USP34: variants seen among roughly 807,000 people sequenced by gnomAD.
USP34 encodes ubiquitin specific peptidase 34.
In USP34, 70 loss-of-function variants were observed where a neutral mutation model predicts 460.3. The observed-to-expected ratio is 0.15, with a 90% CI of 0.13 to 0.19. USP34 has a LOEUF of 0.19. USP34 is among the 10% of genes least tolerant of loss of function. The pLI, the probability that USP34 is intolerant of heterozygous loss-of-function variation, is 1.00. For synonymous variants in USP34, 1,647 were observed against 1,405.3 expected (o/e 1.17, Z -3.85); for missense variants, 3,985 against 4,236.2 (o/e 0.94, Z 1.65).
intron 66 of USP34, 92 bp downstream of exon 66, chr2:61,221,410 T>G: frequency 8.5e-7 from 1 of 1,176,654 alleles, no homozygotes; most frequent in East Asian, 2.6e-5. Flanking sequence ...CTTGGGGTAA[T>G]AAGAAACTGG....
chr2:61,372,008 C>G (rs1199808278), intron 8 of USP34, among the ~76,000 whole-genome samples: 1 of 152,068 alleles, frequency 6.6e-6, no homozygotes, highest in African/African-American at 2.4e-5. Context: ...TGATGCATTT[C>G]TCAGAATGTA....
At position 61,187,974 on chromosome 2, in the gene USP34, A is replaced by AATCT; in HGVS notation, c.*124_*127dup. On this transcript the variant is annotated 3_prime_UTR_variant, in exon 80 of 80. Transcript: ENST00000398571. The stretch of plus-strand genomic sequence containing the variant: ...TGCCTGACCAAGAATTAAGCCTATA[A>AATCT]ATCTATCTTGCCATTCAAGCAGAGA... 1.4e-6 allele frequency: 2 copies of AATCT among 1,461,084 alleles called. No homozygotes were observed. The highest frequency in any genetic ancestry group is 1.5e-5 in the South Asian group (1 of 65,526). The allele number at this position is 1,461,084 out of a possible 1,614,324, so 90.5% of individuals were successfully genotyped here. A position where few individuals can be genotyped will look rare whatever the true frequency, so the allele number is the denominator to read the frequency against.
At chr2:61,453,491 C>T (rs1392861180) in intron 1 of USP34, among the ~76,000 whole-genome samples, 1 of 151,890 alleles carries the variant, frequency 6.6e-6, no homozygotes, top group Non-Finnish European at 1.5e-5. Context: ...GGGTGAATCA[C>T]TTGAGGTCAG....
chr2:61,425,438 C>T (rs894433340), intron 1 of USP34, among the ~76,000 whole-genome samples: 4 of 152,084 alleles, frequency 2.6e-5, no homozygotes, highest in Admixed American at 2.0e-4. Context: ...TAGAGCCTCT[C>T]GGTGCTGAGG....
intron 3 of USP34, among the ~76,000 whole-genome samples, chr2:61,404,045 CAG>C (rs1693798184): frequency 1.9e-5 from 2 of 107,760 alleles, no homozygotes; most frequent in Admixed American, 2.0e-4. Flanking sequence ...GAAAGAAGGA[CAG>C]AAAGTACAAC....
chr2:61,348,558 C>G (rs1361393561), intron 14 of USP34, 78 bp from the exon 15 acceptor site: 5 of 1,514,910 alleles, frequency 3.3e-6, no homozygotes, highest in East Asian at 2.3e-5. Flanking sequence ...ATAAACTGTA[C>G]TTTTTAAAAA....
rs1431258926 is a variant in USP34 at position 61,378,352 on chromosome 2, C to T, written c.1076+11G>A. 1.3e-6 allele frequency: 2 copies of T among 1,557,264 alleles called. No homozygotes were observed. Among genetic ancestry groups the T allele is most frequent in the East Asian group, 2.3e-5 (1 of 43,218 alleles). On this transcript the variant is annotated intron_variant, in intron 8 of 79. Transcript: ENST00000398571. Reference sequence around the variant, plus strand: ...TGGTATACTTATATATAAATTAATGCTCCTACTTACGTTTCTGTGTCCGAT... The same window carrying T: ...TGGTATACTTATATATAAATTAATGTTCCTACTTACGTTTCTGTGTCCGAT...
In USP34 at chr2:61,236,022, A is replaced by G. The variant is rs780902202; in HGVS notation, c.6966+4T>C. ...CAAAAAAATCCATAGTAGAAAACAC[A>G]TACCTTTTCTTTAGAATGAATAAAT... On this transcript the variant is annotated splice_donor_region_variant and intron_variant, in intron 56 of 79. Transcript: ENST00000398571. The G allele has an allele frequency of 6.2e-6, 10 of 1,605,686 alleles. No individual in the cohort carries two copies. The African/African-American group carries it at 1.3e-4, about 22-fold the overall frequency.
intron 1 of USP34, among the ~76,000 whole-genome samples, chr2:61,437,152 A>G (rs1694836191): frequency 6.6e-6 from 1 of 152,180 alleles, no homozygotes; most frequent in Non-Finnish European, 1.5e-5. Flanking sequence ...AACAAAACCA[A>G]AATTAGACAA....
intron 8 of USP34, among the ~76,000 whole-genome samples, chr2:61,371,701 T>C (rs1176384607): frequency 6.6e-6 from 1 of 152,186 alleles, no homozygotes; most frequent in African/African-American, 2.4e-5. Context: ...TAGAGTCACA[T>C]CCTAGGCCTT....
intron 75 of USP34, among the ~76,000 whole-genome samples, chr2:61,195,431 T>C (rs1686771704): frequency 6.6e-6 from 1 of 150,616 alleles, no homozygotes; most frequent in Admixed American, 6.6e-5. Context: ...CCCAGCACTT[T>C]GGGAGGCCAA....
chr2:61,256,903 C>A lies in USP34; in HGVS notation c.6096G>T (p.Arg2032Ser). Reference sequence around the variant, plus strand: ...TGTTCTTCATATCAGCCACTTGGCACCTCACAGTATAAAACTCTTCAGCAG... The same window carrying A: ...TGTTCTTCATATCAGCCACTTGGCAACTCACAGTATAAAACTCTTCAGCAG... ...SQTAEEFYTV[R>S]CQVADMKNIY... The change falls in exon 47 of 80, where the codon AGG becomes AGT. Residue 2032 changes from arginine to serine, a missense_variant. Around this residue, in one of 14 missense-constraint regions of USP34, gnomAD observed 145 missense variants for 291.6 expected, o/e 0.50. Transcript: ENST00000398571. The A allele has an allele frequency of 6.4e-7, 1 of 1,567,228 alleles. No individual in the cohort carries two copies. Among genetic ancestry groups the A allele is most frequent in the South Asian group, 1.2e-5 (1 of 80,268 alleles).
intron 27 of USP34, among the ~76,000 whole-genome samples, chr2:61,301,974 G>A (rs997242551): frequency 1.3e-5 from 2 of 151,402 alleles, no homozygotes; most frequent in African/African-American, 4.8e-5. Context: ...AAGGAAAAAG[G>A]AAAGAAAGAA....
chr2:61,201,366 T>A (rs1472000430), intron 75 of USP34, among the ~76,000 whole-genome samples: 1 of 152,030 alleles, frequency 6.6e-6, no homozygotes, highest in African/African-American at 2.4e-5. Context: ...TACAGGCACG[T>A]ACCACCATGC....
In USP34 at chr2:61,214,452, T is replaced by C; in HGVS notation, c.8290A>G (p.Ile2764Val). Residue 2764 changes from isoleucine (I) to valine (V), a missense_variant, in exon 68 of 80, where the codon ATT becomes GTT. Physicochemically the swap from Ile to Val is conservative, Grantham distance 29. This residue lies in a region of USP34 where 604 missense variants were observed against 684.8 expected (regional missense o/e 0.88). Transcript: ENST00000398571. ...AACATCAGCTTCTCAGTTTTGGAAA[T>C]TAAACAGTAAGTCATAAAGCTAAAA... ...PYFSFMTYCLISKTEKLMFST... is the reference protein window; with the variant it reads ...PYFSFMTYCLVSKTEKLMFST... The C allele has an allele frequency of 6.2e-7, 1 of 1,614,196 alleles. No individual in the cohort carries two copies. Among genetic ancestry groups the C allele is most frequent in the Non-Finnish European group, 8.5e-7 (1 of 1,180,030 alleles).
At position 61,348,011 on chromosome 2, in the gene USP34, G is replaced by A. The variant is rs759794580; in HGVS notation, c.2144C>T (p.Ala715Val). ...ISGEMNATHIAQGSQESCITR... is the reference protein window; with the variant it reads ...ISGEMNATHIVQGSQESCITR... ...GATACAAGACTCCTGAGACCCTTGT[G>A]CTATATGAGTAGCATTCATTTCCCC... The change falls in exon 15 of 80, where the codon GCA becomes GTA. Residue 715 changes from alanine (A) to valine (V), a missense_variant. Ala to Val is a moderately conservative substitution (Grantham distance 64). This residue lies in a region of USP34 where 716 missense variants were observed against 626.2 expected (regional missense o/e 1.14). Transcript: ENST00000398571. 1.1e-5 allele frequency: 18 copies of A among 1,614,004 alleles called. No individual in the cohort carries two copies. Among genetic ancestry groups the A allele is most frequent in the Non-Finnish European group, 1.5e-5 (18 of 1,180,026 alleles).
intron 62 of USP34, 112 bp from the exon 63 acceptor site, chr2:61,223,408 A>C (rs1687644071): frequency 9.3e-7 from 1 of 1,075,680 alleles, no homozygotes; most frequent in South Asian, 1.6e-5. Flanking sequence ...TTAACCTGCC[A>C]TCATAAAATG....
At chr2:61,280,643 A>G (rs999912382) in intron 38 of USP34, among the ~76,000 whole-genome samples, 1 of 152,222 alleles carries the variant, frequency 6.6e-6, no homozygotes, top group Non-Finnish European at 1.5e-5. Flanking sequence ...TTCTGGGGTT[A>G]GTAAAAAGTG....
chr2:61,448,630 A>C (rs556085897), intron 1 of USP34, among the ~76,000 whole-genome samples: 2 of 152,304 alleles, frequency 1.3e-5, no homozygotes, highest in East Asian at 3.9e-4. Flanking sequence ...AAGAATAAAG[A>C]AACTGTTTCC....
Sources: allele counts gnomAD v4.1 joint callset (sites outside exome capture counted in the v4.1 genomes callset), GRCh38; gene constraint gnomAD v4.1.1; regional missense constraint gnomAD v4.1.1; transcripts MANE v1.5; gene names NCBI Gene and HGNC (gene_info 2026-07-23, HGNC 2026-07-21).